Variants in ACOXL observed in about 807,000 individuals in gnomAD.
ACOXL encodes the protein acyl-coenzyme A oxidase-like protein.
Under a neutral mutation model 71.9 loss-of-function variants are expected in ACOXL, and 70 were observed. The observed-to-expected ratio is 0.97, with a 90% CI of 0.80 to 1.19. The LOEUF is 1.19. Ranked by LOEUF, ACOXL falls within the 50% of genes most tolerant of loss-of-function variation. The pLI is 0.00. For missense variants in ACOXL, 703 were observed against 736.3 expected (o/e 0.95, Z 0.52); for synonymous variants, 253 against 281.6 (o/e 0.90, Z 1.02).
At chr2:110,961,688 A>G (rs972205416) in intron 12 of ACOXL, among the ~76,000 whole-genome samples, 11 of 152,244 alleles carry the variant, frequency 7.2e-5, no homozygotes, top group African/African-American at 2.2e-4. Context: ...CTTAATAAAG[A>G]CATACCTGAG....
chr2:110,879,428 A>G (rs1469410810), intron 10 of ACOXL, among the ~76,000 whole-genome samples: 3 of 152,236 alleles, frequency 2.0e-5, no homozygotes, highest in Non-Finnish European at 4.4e-5. Flanking sequence ...CTCTTTTGAG[A>G]AAGCAAAATG....
chr2:110,961,634 T>G (rs2061702420), intron 12 of ACOXL, among the ~76,000 whole-genome samples: 1 of 152,244 alleles, frequency 6.6e-6, no homozygotes, highest in Non-Finnish European at 1.5e-5. Context: ...GTATAACCAC[T>G]GCTTCTCAAC....
intron 16 of ACOXL, among the ~76,000 whole-genome samples, chr2:111,067,657 A>C (rs561349541): frequency 6.6e-6 from 1 of 152,240 alleles, no homozygotes; most frequent in Non-Finnish European, 1.5e-5. Flanking sequence ...CCAAAATTCA[A>C]ATGTTTGGTG....
At chr2:110,814,968 A>G (rs1439330463) in intron 9 of ACOXL, among the ~76,000 whole-genome samples, 1 of 152,082 alleles carries the variant, frequency 6.6e-6, no homozygotes, top group Non-Finnish European at 1.5e-5. Flanking sequence ...TCAATGTATT[A>G]GTTGGTTCTC....
At chr2:111,031,494 C>A in intron 14 of ACOXL, 133 bp from the exon 15 acceptor site, 1 of 726,008 alleles carries the variant, frequency 1.4e-6, no homozygotes, top group South Asian at 1.7e-5. Flanking sequence ...AGAGGCCAGC[C>A]TACAGAAGGT....
At position 110,874,197 on chromosome 2, in the gene ACOXL, G is replaced by T. The variant is rs79928054; in HGVS notation, c.788+32792G>T. Among the ~76,000 whole-genome samples, 7 of 152,318 alleles carry T rather than the reference G, an allele frequency of 4.6e-5. No homozygotes were observed. The South Asian group carries it at 1.0e-3, about 23-fold the overall frequency. On this transcript the variant is annotated intron_variant, in intron 10 of 17. Transcript: ENST00000439055. ...CAAGGCAGCAGGGGACAACGGAACC[G>T]AACAGAATGCTTTTGGGGGGGTGGT...
At chr2:110,795,158 C>G (rs951094351) in intron 5 of ACOXL, among the ~76,000 whole-genome samples, 1 of 152,170 alleles carries the variant, frequency 6.6e-6, no homozygotes, top group African/African-American at 2.4e-5. Flanking sequence ...TCTGCTTCGT[C>G]TATTCTTTAT....
In ACOXL at chr2:110,788,689, C is replaced by G. The variant is rs1684280490; in HGVS notation, c.159+3874C>G. 2.0e-5 allele frequency among the ~76,000 whole-genome samples: 3 copies of G among 152,206 alleles called. No homozygotes were observed. The South Asian group carries it at 6.2e-4, about 31-fold the overall frequency. On this transcript the variant is annotated intron_variant, in intron 3 of 17. Transcript: ENST00000439055. The stretch of plus-strand genomic sequence containing the variant: ...AATGACAATTAAAAATTATTATTAA[C>G]TATGCTGTCCCACACATCAGTAATT...
intron 2 of ACOXL, among the ~76,000 whole-genome samples, chr2:110,776,426 TTGTG>T (rs1682660918): frequency 6.6e-6 from 1 of 152,158 alleles, no homozygotes; most frequent in East Asian, 1.9e-4. Context: ...AAATTTTATG[TTGTG>T]TGTATGTTAA....
intron 10 of ACOXL, among the ~76,000 whole-genome samples, chr2:110,842,001 T>C (rs779726305): frequency 1.3e-5 from 2 of 152,004 alleles, no homozygotes; most frequent in East Asian, 1.9e-4. Context: ...AGTGGAGGGG[T>C]AATAAGCAGT....
chr2:110,822,286 C>T (rs561123709), intron 9 of ACOXL, among the ~76,000 whole-genome samples: 19 of 152,210 alleles, frequency 1.2e-4, no homozygotes, highest in African/African-American at 4.3e-4. Context: ...TTCACACTCA[C>T]GTCTCAACTC....
intron 17 of ACOXL, among the ~76,000 whole-genome samples, chr2:111,117,016 C>T (rs897742293): frequency 6.6e-6 from 1 of 152,240 alleles, no homozygotes. Context: ...TTTTCCGCAG[C>T]GGCCAGGCGG....
intron 14 of ACOXL, among the ~76,000 whole-genome samples, chr2:111,006,628 G>A (rs977737497): frequency 2.6e-5 from 4 of 151,624 alleles, no homozygotes; most frequent in Non-Finnish European, 5.9e-5. Flanking sequence ...GTGCAATCAT[G>A]GCTCACTGCA....
chr2:110,806,819 C>T (rs1201429789), intron 9 of ACOXL, among the ~76,000 whole-genome samples: 1 of 152,144 alleles, frequency 6.6e-6, no homozygotes, highest in Non-Finnish European at 1.5e-5. Flanking sequence ...GTGTGAAGGA[C>T]GTCCATGCCG....
intron 15 of ACOXL, among the ~76,000 whole-genome samples, chr2:111,048,593 G>T (rs1033528738): frequency 6.6e-6 from 1 of 152,048 alleles, no homozygotes; most frequent in Non-Finnish European, 1.5e-5. Flanking sequence ...ATGTAATTTT[G>T]TAAATTTTCT....
chr2:110,885,144 A>G (rs1238975894), intron 10 of ACOXL, among the ~76,000 whole-genome samples: 1 of 152,218 alleles, frequency 6.6e-6, no homozygotes, highest in Non-Finnish European at 1.5e-5. Flanking sequence ...ACCCAAAACA[A>G]CATAGAAGCA....
At chr2:110,958,264 G>A (rs922578373) in intron 12 of ACOXL, among the ~76,000 whole-genome samples, 9 of 152,148 alleles carry the variant, frequency 5.9e-5, no homozygotes, top group Admixed American at 4.6e-4. Context: ...GCAATGAAGC[G>A]ATTCCCAACA....
At chr2:111,117,510 C>T (rs2070445714) in intron 17 of ACOXL, 106 bp from the exon 18 acceptor site, 1 of 1,201,680 alleles carries the variant, frequency 8.3e-7, no homozygotes, top group African/African-American at 1.5e-5. Context: ...AAACTAGTTT[C>T]CGGGGCCGCT....
intron 14 of ACOXL, among the ~76,000 whole-genome samples, chr2:110,998,783 A>C (rs2063501064): frequency 1.3e-5 from 2 of 152,226 alleles, no homozygotes; most frequent in South Asian, 4.1e-4. Flanking sequence ...ACCTCTGGAA[A>C]GTGGGGGATT....
Sources: gnomAD v4.1 joint callset for allele counts (sites outside exome capture counted in the v4.1 genomes callset) on GRCh38, gnomAD v4.1.1 for gene constraint, MANE v1.5 for transcripts, NCBI Gene and HGNC (gene_info 2026-07-23, HGNC 2026-07-21) for gene names.